PCDH11X: variants seen among roughly 807,000 people sequenced by gnomAD.
PCDH11X encodes protocadherin 11 X-linked.
Under a neutral mutation model 53.3 loss-of-function variants are expected in PCDH11X, and 18 were observed. The ratio of observed to expected loss-of-function variants is 0.34; its 90% CI spans 0.23 to 0.50. The LOEUF is 0.50. Ranked by LOEUF, PCDH11X falls within the 20% of genes least tolerant of loss-of-function variation. The pLI, the probability that PCDH11X is intolerant of heterozygous loss-of-function variation, is 0.98. For synonymous variants in PCDH11X, 279 were observed against 393.3 expected (o/e 0.71, Z 3.44); for missense variants, 570 against 1,032.4 (o/e 0.55, Z 6.14).
At chrX:92,267,786 T>C (rs1421611314) in intron 8 of PCDH11X, among the ~76,000 whole-genome samples, 1 of 112,521 alleles carries the variant, frequency 8.9e-6, no homozygotes, top group Non-Finnish European at 1.9e-5. Context: ...TGCTGGAGGC[T>C]GGGAAGTCCA....
chrX:91,817,696 C>A (rs1006298936), intron 4 of PCDH11X, among the ~76,000 whole-genome samples: 1 of 111,166 alleles, frequency 9.0e-6, no homozygotes, highest in African/African-American at 3.3e-5. Flanking sequence ...CTACACACAG[C>A]AAGAGGTACT....
chrX:92,227,402 T>C (rs1046863936), intron 7 of PCDH11X, among the ~76,000 whole-genome samples: 6 of 111,643 alleles, frequency 5.4e-5, no homozygotes, highest in African/African-American at 1.3e-4. Context: ...ATTTTAGAAA[T>C]ATATTTTCTG....
chrX:92,322,360 T>G (rs1416380194), intron 8 of PCDH11X, among the ~76,000 whole-genome samples: 1 of 111,091 alleles, frequency 9.0e-6, no homozygotes, highest in African/African-American at 3.3e-5. Flanking sequence ...CAATGTACTT[T>G]CCATTCCTTA....
rs754001595 is a variant in PCDH11X, at chrX:92,460,753, C to T, written c.3344-7546C>T. 6.1e-4 allele frequency: 699 copies of T among 1,138,867 alleles called. 5 individuals carry two copies. The South Asian group carries it at 0.012, about 20-fold the overall frequency. 93.9% of individuals were successfully genotyped at this position (1,138,867 alleles called of 1,213,427 possible). ...AGTGCCAGGCCCAGGAGTAATGAGG[C>T]CCTGCTGAACATCAAGGTCAAGCTG... On this transcript the variant is annotated intron_variant, in intron 9 of 10. Transcript: ENST00000682573.
chrX:92,568,291 G>A lies in PCDH11X; in HGVS notation c.3368-49973G>A, dbSNP rs776018703. On this transcript the variant is annotated intron_variant, in intron 10 of 10. Coordinates refer to ENST00000682573, the MANE Select transcript of PCDH11X (RefSeq NM_032968.5). ...AAAAAAATTAGCCCGGCGTGGTGGC[G>A]GGCGCCTGTAGTCCCAGCTACTCGG... 1.1e-4 allele frequency among the ~76,000 whole-genome samples: 12 copies of A among 109,483 alleles called. No homozygotes were observed. In the South Asian group the frequency reaches 1.6e-3, roughly 15 times the overall value.
intron 6 of PCDH11X, among the ~76,000 whole-genome samples, chrX:91,974,766 T>C (rs1418128307): frequency 9.1e-6 from 1 of 109,765 alleles, no homozygotes; most frequent in Non-Finnish European, 1.9e-5. Context: ...TTTCTTTTTT[T>C]TTTTTGAGAC....
At position 92,618,991 on chromosome X, in the gene PCDH11X, T is replaced by G. The variant is rs766645147; in HGVS notation, c.*51T>G. ...CAGAAAAGATGTATATAGTCAAAAT[T>G]TAAGATACAATTCCAATGAGTATTC... On this transcript the variant is annotated 3_prime_UTR_variant, in exon 11 of 11. Transcript: ENST00000682573. 6 of 1,116,947 alleles carry G rather than the reference T, an allele frequency of 5.4e-6. No individual in the cohort carries two copies. The Admixed American group carries it at 1.3e-4, about 25-fold the overall frequency. 92.0% of individuals were successfully genotyped at this position (1,116,947 alleles called of 1,213,427 possible).
At chrX:92,398,822 G>T (rs2071307960) in intron 9 of PCDH11X, among the ~76,000 whole-genome samples, 1 of 110,426 alleles carries the variant, frequency 9.1e-6, no homozygotes. Context: ...AATAATAAAA[G>T]CAGTTGCTTT....
At chrX:91,903,891 G>A (rs1941054113) in intron 6 of PCDH11X, among the ~76,000 whole-genome samples, 1 of 110,510 alleles carries the variant, frequency 9.0e-6, no homozygotes, top group African/African-American at 3.3e-5. Flanking sequence ...AGGGACTAAC[G>A]AATGAGATGG....
At chrX:92,058,926 A>G (rs2063488973) in intron 6 of PCDH11X, among the ~76,000 whole-genome samples, 1 of 111,314 alleles carries the variant, frequency 9.0e-6, no homozygotes, top group African/African-American at 3.3e-5. Flanking sequence ...TCAATGGTTT[A>G]CACTGGTCAT....
At chrX:92,421,837 G>GCA (rs1375387314) in intron 9 of PCDH11X, among the ~76,000 whole-genome samples, 1 of 111,736 alleles carries the variant, frequency 8.9e-6, no homozygotes, top group Non-Finnish European at 1.9e-5. Flanking sequence ...TATTGTGCTT[G>GCA]TAGGTCACAC....
intron 10 of PCDH11X, among the ~76,000 whole-genome samples, chrX:92,527,493 A>G (rs1002022640): frequency 5.4e-5 from 6 of 111,119 alleles, no homozygotes; most frequent in African/African-American, 2.0e-4. Flanking sequence ...AAATTAGTGA[A>G]CACATTTTTT....
chrX:92,611,602 G>T (rs1459645617), intron 10 of PCDH11X, among the ~76,000 whole-genome samples: 1 of 107,112 alleles, frequency 9.3e-6, no homozygotes, highest in East Asian at 2.9e-4. Flanking sequence ...TCTCTGTCTA[G>T]CACTTCCAGT....
chrX:92,616,750 G>T, intron 10 of PCDH11X, among the ~76,000 whole-genome samples: 1 of 107,792 alleles, frequency 9.3e-6, no homozygotes, highest in African/African-American at 3.4e-5. Context: ...TCAGCTTGTT[G>T]ATATCTGCAA....
intron 5 of PCDH11X, among the ~76,000 whole-genome samples, chrX:91,860,735 C>T (rs1376737962): frequency 9.0e-6 from 1 of 111,667 alleles, no homozygotes; most frequent in Non-Finnish European, 1.9e-5. Context: ...AGGTTTCTGT[C>T]TTTAGTTCTG....
chrX:92,092,144 C>T (rs34458740), intron 6 of PCDH11X, among the ~76,000 whole-genome samples: 2,656 of 111,677 alleles, frequency 0.024, 72 homozygotes, highest in African/African-American at 0.082. Flanking sequence ...ACCCCTTAGA[C>T]AGGAATTTGG....
At chrX:91,832,108 A>G (rs946346503) in intron 4 of PCDH11X, among the ~76,000 whole-genome samples, 2 of 106,453 alleles carry the variant, frequency 1.9e-5, no homozygotes, top group Non-Finnish European at 3.9e-5. Flanking sequence ...ATCTAGAACT[A>G]GAAATACCAT....
chrX:92,419,971 C>T (rs1373580675), intron 9 of PCDH11X, among the ~76,000 whole-genome samples: 2 of 111,141 alleles, frequency 1.8e-5, no homozygotes, highest in African/African-American at 3.3e-5. Flanking sequence ...TGAGCCACCA[C>T]GCCCAGCCTC....
chrX:91,820,798 G>C (rs1171179053), intron 4 of PCDH11X, among the ~76,000 whole-genome samples: 1 of 101,656 alleles, frequency 9.8e-6, no homozygotes, highest in Admixed American at 9.9e-5. Flanking sequence ...GCGTTTTTAT[G>C]GTTTTAGGTC....
Sources: allele counts gnomAD v4.1 joint callset (sites outside exome capture counted in the v4.1 genomes callset), GRCh38; gene constraint gnomAD v4.1.1; transcripts MANE v1.5; gene names NCBI Gene and HGNC (gene_info 2026-07-23, HGNC 2026-07-21).